The following RFC5 variants were observed in gnomAD, a reference collection of about 807,000 sequenced individuals.
RFC5 encodes A1 36 kDa subunit.
RFC5 carries 26 observed loss-of-function variants against 44.3 expected under a neutral mutation model. That is an observed-to-expected ratio of 0.59 (90% confidence interval 0.43 to 0.81). RFC5 has a LOEUF of 0.81. RFC5 is among the 40% of genes least tolerant of loss of function. The pLI, the probability that RFC5 is intolerant of heterozygous loss-of-function variation, is 0.00. For missense variants in RFC5, 328 were observed against 418.6 expected (o/e 0.78, Z 1.89); for synonymous variants, 155 against 155.2 (o/e 1.00, Z 0.01).
chr12:118,019,724 A>C lies in RFC5; in HGVS notation c.223A>C (p.Lys75Gln). Reference protein sequence around the residue: ...GKTSTILACAKQLYKDKEFGS... With the variant: ...GKTSTILACAQQLYKDKEFGS... ...GACATCTACCATCCTAGCCTGTGCGAAACAGCTATATAAAGACAAAGAATT... is the reference window on the plus strand; with the variant it reads ...GACATCTACCATCCTAGCCTGTGCGCAACAGCTATATAAAGACAAAGAATT... Residue 75 changes from lysine (K) to glutamine (Q), a missense_variant, in exon 3 of 11, where the codon AAA becomes CAA. Lys to Gln is a moderately conservative substitution (Grantham distance 53, BLOSUM62 1). Coordinates refer to ENST00000454402, the MANE Select transcript of RFC5 (RefSeq NM_007370.7). The surrounding 1 kb of genome is among the most constrained non-coding windows in gnomAD (Gnocchi z 4.2). The C allele has an allele frequency of 6.2e-7, 1 of 1,614,134 alleles. No homozygotes were observed. The highest frequency in any genetic ancestry group is 8.5e-7 in the Non-Finnish European group (1 of 1,179,972).
intron 5 of RFC5, among the ~76,000 whole-genome samples, chr12:118,023,565 C>T (rs930506996): frequency 7.9e-5 from 12 of 151,928 alleles, no homozygotes; most frequent in Non-Finnish European, 1.5e-4. Context: ...AGCTTGGCAG[C>T]CTTTCTTCGG....
downstream of RFC5, among the ~76,000 whole-genome samples, chr12:118,037,703 C>A (rs2031545915): frequency 6.6e-6 from 1 of 151,054 alleles, no homozygotes; most frequent in African/African-American, 2.4e-5. Flanking sequence ...GAAAAGAAAA[C>A]CCTCCAAACC....
chr12:118,035,267 T>C, downstream of RFC5: 1 of 1,614,176 alleles, frequency 6.2e-7, no homozygotes, highest in Non-Finnish European at 8.5e-7. Context: ...AGCACACAGA[T>C]CTCAGTGAGC....
At chr12:118,036,899 C>T (rs1436834359), downstream of RFC5, among the ~76,000 whole-genome samples, 1 of 152,106 alleles carries the variant, frequency 6.6e-6, no homozygotes. Context: ...TAAATGTCAG[C>T]GGCCAGGCAC....
chr12:118,035,229 G>A (rs770115903), downstream of RFC5: 6 of 1,614,040 alleles, frequency 3.7e-6, no homozygotes, highest in Admixed American at 1.7e-5. Context: ...ATCTGCCACC[G>A]TGGCAAGGTA....
intron 5 of RFC5, among the ~76,000 whole-genome samples, chr12:118,023,647 G>GA (rs1330311219): frequency 6.6e-6 from 1 of 152,086 alleles, no homozygotes; most frequent in African/African-American, 2.4e-5. Flanking sequence ...CTACAGAATG[G>GA]AACCGGTGTC....
the RFC5 span, among the ~76,000 whole-genome samples, chr12:118,040,107 AG>A: frequency 7.2e-5 from 11 of 152,150 alleles, no homozygotes; most frequent in African/African-American, 2.4e-4. Context: ...CAGGAGGCAG[AG>A]GCTACAATAA....
intron 5 of RFC5, among the ~76,000 whole-genome samples, chr12:118,023,900 G>A (rs2030727952): frequency 6.6e-6 from 1 of 152,154 alleles, no homozygotes; most frequent in African/African-American, 2.4e-5. Flanking sequence ...ATCCCACGGA[G>A]GCATGTTTAC....
chr12:118,020,728 T>C (rs1306642592), intron 3 of RFC5, among the ~76,000 whole-genome samples, 178 bp from the exon 4 acceptor site: 1 of 152,254 alleles, frequency 6.6e-6, no homozygotes, highest in Non-Finnish European at 1.5e-5. Context: ...GCCATCTTTA[T>C]TAATTTAGTG....
At chr12:118,034,705 G>T, downstream of RFC5, 2 of 505,286 alleles carry the variant, frequency 4.0e-6, no homozygotes, top group Admixed American at 3.6e-5. Flanking sequence ...GCCCTAAATG[G>T]TTTCCCATAT....
chr12:118,041,004 G>A, the RFC5 span, among the ~76,000 whole-genome samples: 378 of 152,328 alleles, frequency 2.5e-3, 6 homozygotes, highest in African/African-American at 8.2e-3. Flanking sequence ...AGCTGAGATC[G>A]TGCCACTGCA....
At chr12:118,017,572 A>T in intron 1 of RFC5, 2 of 761,404 alleles carry the variant, frequency 2.6e-6, no homozygotes, top group South Asian at 6.0e-5. Flanking sequence ...TGGCTTCGAA[A>T]AGCTGCAAGT....
chr12:118,028,311 C>T (rs758507882), intron 9 of RFC5, among the ~76,000 whole-genome samples: 4 of 151,864 alleles, frequency 2.6e-5, no homozygotes, highest in Non-Finnish European at 2.9e-5. Context: ...TGGTGAAACC[C>T]CGTCTCTACT....
chr12:118,029,963 A>T (rs543811238), intron 10 of RFC5, 138 bp downstream of exon 10: 1 of 715,580 alleles, frequency 1.4e-6, no homozygotes, highest in Admixed American at 2.1e-5. Context: ...GTGATATTGA[A>T]TGGAATGTGG....
chr12:118,037,714 A>C (rs1173228231), downstream of RFC5, among the ~76,000 whole-genome samples: 3 of 151,860 alleles, frequency 2.0e-5, no homozygotes, highest in Non-Finnish European at 4.4e-5. Context: ...CCTCCAAACC[A>C]CAAAAATAAA....
chr12:118,018,641 G>A lies in RFC5; in HGVS notation c.66-431G>A, dbSNP rs546919358. 2.6e-5 allele frequency among the ~76,000 whole-genome samples: 4 copies of A among 151,794 alleles called. No individual in the cohort carries two copies. In the East Asian group the frequency reaches 5.8e-4, roughly 22 times the overall value. On this transcript the variant is annotated intron_variant, in intron 1 of 10. Coordinates refer to ENST00000454402, the MANE Select transcript of RFC5 (RefSeq NM_007370.7). The stretch of plus-strand genomic sequence containing the variant: ...TTTTAAGACAAGGTCTCACTCTGTC[G>A]CCCAGGCTGGAGTGCTGGAGTGCAG...
At chr12:118,026,341 G>A (rs1294118700) in intron 7 of RFC5, among the ~76,000 whole-genome samples, 2 of 151,948 alleles carry the variant, frequency 1.3e-5, no homozygotes, top group African/African-American at 2.4e-5. Context: ...GGTGGCTCAC[G>A]CCTGTAATCC....
chr12:118,031,204 A>G lies in RFC5; in HGVS notation c.949A>G (p.Asn317Asp), dbSNP rs1261312948. 6.2e-7 allele frequency: 1 copy of G among 1,613,916 alleles called. No individual in the cohort carries two copies. Among genetic ancestry groups the G allele is most frequent in the Non-Finnish European group, 8.5e-7 (1 of 1,179,852 alleles). The stretch of plus-strand genomic sequence containing the variant: ...TAGGTACAGGCTTTCTGTTGGCACC[A>G]ACGAGAAGATCCAGCTGAGCTCCCT... ...DIEYRLSVGT[N>D]EKIQLSSLIA... Residue 317 changes from asparagine to aspartate, a missense_variant, in exon 11 of 11, where the codon AAC becomes GAC. Asn to Asp is a conservative substitution (Grantham distance 23, BLOSUM62 1). Coordinates refer to ENST00000454402, the MANE Select transcript of RFC5 (RefSeq NM_007370.7).
chr12:118,040,374 TTCCA>T, the RFC5 span, among the ~76,000 whole-genome samples: 12 of 152,256 alleles, frequency 7.9e-5, no homozygotes, highest in South Asian at 2.3e-3. Context: ...TGGTCTTTCC[TTCCA>T]AGTCATCAAG....
Sources: allele counts gnomAD v4.1 joint callset (sites outside exome capture counted in the v4.1 genomes callset), GRCh38; gene constraint gnomAD v4.1.1; non-coding constraint Gnocchi (gnomAD v3.1); transcripts MANE v1.5; gene names NCBI Gene and HGNC (gene_info 2026-07-23, HGNC 2026-07-21).